The following GPM6A variants were observed in gnomAD, a reference collection of about 807,000 sequenced individuals.
GPM6A encodes the protein glycoprotein M6A.
In GPM6A, 7 loss-of-function variants were observed where a neutral mutation model predicts 32.1. The observed-to-expected ratio is 0.22, with a 90% CI of 0.12 to 0.41. The LOEUF is 0.41. Ranked by LOEUF, GPM6A falls within the 10% of genes least tolerant of loss-of-function variation. The pLI, the probability that GPM6A is intolerant of heterozygous loss-of-function variation, is 1.00. For synonymous variants in GPM6A, 130 were observed against 123.4 expected (o/e 1.05, Z -0.35); for missense variants, 235 against 347.2 (o/e 0.68, Z 2.57).
intron 6 of GPM6A, among the ~76,000 whole-genome samples, chr4:175,637,188 T>C (rs1309965155): frequency 9.8e-6 from 1 of 101,578 alleles, no homozygotes; most frequent in Non-Finnish European, 1.9e-5. Context: ...GTGACATATA[T>C]CATATATTAT....
intron 1 of GPM6A, among the ~76,000 whole-genome samples, chr4:175,977,527 T>G (rs1391576931): frequency 6.6e-6 from 1 of 152,228 alleles, no homozygotes; most frequent in Admixed American, 6.5e-5. Flanking sequence ...ACATACTATA[T>G]TCTTCCTAAT....
chr4:175,706,250 T>C (rs1484948537), intron 1 of GPM6A, among the ~76,000 whole-genome samples: 2 of 152,126 alleles, frequency 1.3e-5, no homozygotes, highest in African/African-American at 4.8e-5. Context: ...GCTGTGAAGA[T>C]ATGTTATCTT....
intron 1 of GPM6A, among the ~76,000 whole-genome samples, chr4:175,773,126 T>C (rs1733256103): frequency 6.6e-6 from 1 of 152,248 alleles, no homozygotes. Context: ...TCAGTTTACA[T>C]AAGTTTCCCA....
chr4:175,701,795 C>T (rs779487560), intron 1 of GPM6A, 28 bp from the exon 2 acceptor site: 3 of 1,509,622 alleles, frequency 2.0e-6, no homozygotes, highest in East Asian at 2.3e-5. Context: ...GGGAGAAATT[C>T]ATATTTTTGT....
intron 1 of GPM6A, among the ~76,000 whole-genome samples, chr4:175,974,451 G>T (rs1302694083): frequency 6.6e-6 from 1 of 152,052 alleles, no homozygotes; most frequent in East Asian, 1.9e-4. Flanking sequence ...CACCTCCCGG[G>T]TTCAAGCGAT....
At chr4:175,694,083 G>C (rs1351490258) in intron 2 of GPM6A, among the ~76,000 whole-genome samples, 1 of 152,116 alleles carries the variant, frequency 6.6e-6, no homozygotes, top group Non-Finnish European at 1.5e-5. Context: ...TAGAAGCCAA[G>C]CAGATGCCAG....
chr4:175,642,133 T>C (rs1741183389), intron 4 of GPM6A: 1 of 152,228 alleles, frequency 6.6e-6, no homozygotes, highest in Non-Finnish European at 1.5e-5. Flanking sequence ...GTGAAAAATC[T>C]ATTTGCAGTA....
intron 1 of GPM6A, among the ~76,000 whole-genome samples, chr4:175,979,600 A>AT (rs1274886203): frequency 6.7e-6 from 1 of 148,590 alleles, no homozygotes; most frequent in Non-Finnish European, 1.5e-5. Context: ...TTAAAGTATA[A>AT]TAAAAAAAAT....
chr4:175,884,691 C>T (rs766670536), intron 1 of GPM6A, among the ~76,000 whole-genome samples: 27 of 151,844 alleles, frequency 1.8e-4, no homozygotes, highest in African/African-American at 2.2e-4. Context: ...ACCAAGAGCC[C>T]GGCTAATTTT....
rs552126543 is a variant in GPM6A, at chr4:175,854,979, T to C, written c.-22-42730A>G. Among the ~76,000 whole-genome samples the C allele has an allele frequency of 3.3e-5, 5 of 152,330 alleles. No homozygotes were observed. The South Asian group carries it at 1.0e-3, about 32-fold the overall frequency. The stretch of plus-strand genomic sequence containing the variant: ...AATTCTCAAGTCACAGGGTAGACAT[T>C]GAGAAGAGTTTTGCCTCAGTAGTTA... On this transcript the variant is annotated intron_variant, in intron 1 of 7. Coordinates refer to the GPM6A transcript ENST00000280187.
intron 1 of GPM6A, among the ~76,000 whole-genome samples, chr4:175,739,429 C>T (rs1731792341): frequency 6.6e-6 from 1 of 152,084 alleles, no homozygotes; most frequent in South Asian, 2.1e-4. Flanking sequence ...TTGCTAGAAA[C>T]AAATGTTCTT....
chr4:175,734,682 G>A (rs1028219091), intron 1 of GPM6A, among the ~76,000 whole-genome samples: 2 of 151,774 alleles, frequency 1.3e-5, no homozygotes, highest in Non-Finnish European at 2.9e-5. Flanking sequence ...GACCATCCTG[G>A]CTAACACTGT....
intron 1 of GPM6A, among the ~76,000 whole-genome samples, chr4:175,932,424 A>G (rs1272347328): frequency 2.0e-5 from 3 of 152,226 alleles, no homozygotes; most frequent in African/African-American, 2.4e-5. Context: ...AGCCCTCACC[A>G]GACACCAAAC....
chr4:175,664,261 T>C (rs1742607983), intron 3 of GPM6A, among the ~76,000 whole-genome samples: 1 of 152,150 alleles, frequency 6.6e-6, no homozygotes, highest in South Asian at 2.1e-4. Flanking sequence ...ACTGTAATGG[T>C]TGATACACAA....
chr4:175,982,022 T>C (rs1579684507), intron 1 of GPM6A, among the ~76,000 whole-genome samples: 1 of 152,270 alleles, frequency 6.6e-6, no homozygotes, highest in Non-Finnish European at 1.5e-5. Flanking sequence ...AATAATATTT[T>C]ATGTATTTTT....
In GPM6A at chr4:175,941,617, C is replaced by T. The variant is rs1739414800; in HGVS notation, c.-23+60692G>A. On this transcript the variant is annotated intron_variant, in intron 1 of 7. Transcript: ENST00000280187. ...TCCATGTGTTCTCATTGTTCAATTC[C>T]CCCTTATGAGTGAGAACATGCAGTG... Among the ~76,000 whole-genome samples the T allele has an allele frequency of 2.0e-5, 3 of 152,146 alleles. No individual in the cohort carries two copies. The South Asian group carries it at 6.2e-4, about 32-fold the overall frequency.
At chr4:175,880,834 G>C (rs907327200) in intron 1 of GPM6A, among the ~76,000 whole-genome samples, 15 of 152,172 alleles carry the variant, frequency 9.9e-5, no homozygotes, top group Non-Finnish European at 2.9e-5. Flanking sequence ...TCTGCAAACA[G>C]GGACAATTTG....
At chr4:175,971,526 A>C (rs1740501725) in intron 1 of GPM6A, among the ~76,000 whole-genome samples, 1 of 152,084 alleles carries the variant, frequency 6.6e-6, no homozygotes, top group Non-Finnish European at 1.5e-5. Context: ...TCCTCTCCCT[A>C]AATTAGCCCC....
At chr4:175,753,342 C>T (rs1579461000) in intron 1 of GPM6A, among the ~76,000 whole-genome samples, 1 of 152,108 alleles carries the variant, frequency 6.6e-6, no homozygotes, top group Non-Finnish European at 1.5e-5. Flanking sequence ...AAGATACTAA[C>T]ACAGTCAGGT....
Sources: allele counts gnomAD v4.1 joint callset (sites outside exome capture counted in the v4.1 genomes callset), GRCh38; gene constraint gnomAD v4.1.1; transcripts MANE v1.5; gene names NCBI Gene and HGNC (gene_info 2026-07-23, HGNC 2026-07-21).